The following CCR9 variants were observed in gnomAD, a reference collection of about 807,000 sequenced individuals.
The protein encoded by CCR9 is C-C chemokine receptor type 9.
Under a neutral mutation model 8.7 loss-of-function variants are expected in CCR9, and 4 were observed. The ratio of observed to expected loss-of-function variants is 0.46; its 90% CI spans 0.23 to 1.06. The LOEUF (loss-of-function observed/expected upper bound fraction) is 1.06. CCR9 is among the 50% of genes least tolerant of loss of function. The pLI is 0.21. For synonymous variants in CCR9, 159 were observed against 168.8 expected (o/e 0.94, Z 0.45); for missense variants, 394 against 453.6 (o/e 0.87, Z 1.19).
chr3:45,888,630 C>T (rs975550740), intron 1 of CCR9, among the ~76,000 whole-genome samples: 1 of 152,204 alleles, frequency 6.6e-6, no homozygotes, highest in Non-Finnish European at 1.5e-5. Flanking sequence ...ACTGCCCATC[C>T]ACTCCCGACA....
At chr3:45,891,827 A>G (rs573337644) in intron 1 of CCR9, among the ~76,000 whole-genome samples, 4 of 152,178 alleles carry the variant, frequency 2.6e-5, no homozygotes, top group African/African-American at 9.6e-5. Flanking sequence ...TTGGCCAATT[A>G]CTTTGCAGAA....
At chr3:45,890,789 A>T (rs1177209101) in intron 1 of CCR9, among the ~76,000 whole-genome samples, 1 of 152,246 alleles carries the variant, frequency 6.6e-6, no homozygotes, top group African/African-American at 2.4e-5. Flanking sequence ...AGTTAGAAGC[A>T]GGTGAATTGC....
At position 45,901,346 on chromosome 3, in the gene CCR9, C is replaced by A; in HGVS notation, c.558C>A (p.Tyr186Ter). ...AAALCIPEIL[Y>*]SQIKEESGIA... is the part of the protein sequence containing the mutation. ...CTCTCTGCATCCCAGAAATCTTATACAGCCAAATCAAGGAGGAATCCGGCA... is the reference window on the plus strand; with the variant it reads ...CTCTCTGCATCCCAGAAATCTTATAAAGCCAAATCAAGGAGGAATCCGGCA... The change falls in exon 3 of 3, where the codon TAC (tyrosine) becomes TAA (stop). Residue 186 changes from tyrosine to a stop codon, truncating the protein, a stop_gained. Coordinates refer to ENST00000357632, the MANE Select transcript of CCR9 (RefSeq NM_031200.3). LOFTEE classifies it low-confidence loss of function (END_TRUNC). The surrounding 1 kb of genome is among the most constrained non-coding windows in gnomAD (Gnocchi z 4.3). 1 of 1,614,140 alleles carries A rather than the reference C, an allele frequency of 6.2e-7. No individual in the cohort carries two copies. The highest frequency in any genetic ancestry group is 1.7e-5 in the Admixed American group (1 of 60,020).
At position 45,901,658 on chromosome 3, in the gene CCR9, C is replaced by G. The variant is rs199948255; in HGVS notation, c.870C>G (p.Ala290=). The change falls in exon 3 of 3, where the codon GCC becomes GCG. Residue 290 remains alanine (A), a synonymous_variant. Transcript: ENST00000357632. The surrounding 1 kb of genome is among the most constrained non-coding windows in gnomAD (Gnocchi z 4.3). ...ATGCCATGTTCATCTCCAACTGTGCCGTTTCCACCAACATTGACATCTGCT... is the reference window on the plus strand; with the variant it reads ...ATGCCATGTTCATCTCCAACTGTGCGGTTTCCACCAACATTGACATCTGCT... ...DAYAMFISNC[A]VSTNIDICFQ... is the part of the protein sequence containing the mutation. The G allele has an allele frequency of 6.2e-7, 1 of 1,613,882 alleles. No individual in the cohort carries two copies. Among genetic ancestry groups the G allele is most frequent in the African/African-American group, 1.3e-5 (1 of 74,934 alleles).
chr3:45,887,815 T>C (rs1365584966), intron 1 of CCR9, among the ~76,000 whole-genome samples: 2 of 152,198 alleles, frequency 1.3e-5, no homozygotes, highest in Non-Finnish European at 2.9e-5. Flanking sequence ...GATCCAGGCA[T>C]GGTGAGTGGA....
intron 2 of CCR9, among the ~76,000 whole-genome samples, chr3:45,897,078 C>T (rs1158862239): frequency 1.3e-5 from 2 of 152,204 alleles, no homozygotes; most frequent in African/African-American, 4.8e-5. Flanking sequence ...GAGCAACAGC[C>T]TGTGGGCTCA....
chr3:45,888,041 C>T (rs763387018), intron 1 of CCR9, among the ~76,000 whole-genome samples: 1 of 152,172 alleles, frequency 6.6e-6, no homozygotes, highest in Non-Finnish European at 1.5e-5. Flanking sequence ...GCACAATAAC[C>T]CCATGCTGAT....
chr3:45,898,226 A>G (rs551619179), intron 2 of CCR9, among the ~76,000 whole-genome samples: 1 of 152,106 alleles, frequency 6.6e-6, no homozygotes, highest in African/African-American at 2.4e-5. Context: ...CTTTCACTCA[A>G]AGTCCACTCA....
At chr3:45,897,531 T>G in intron 2 of CCR9, 2 of 1,469,596 alleles carry the variant, frequency 1.4e-6, no homozygotes, top group Non-Finnish European at 9.2e-7. Flanking sequence ...CTGGGATTTC[T>G]GCACAATTTC....
chr3:45,901,418 G>A lies in CCR9; in HGVS notation c.630G>A (p.Leu210=). ...ACCCTAGCGATGAGAGCACCAAACT[G>A]AAGTCAGCTGTCTTGACCCTGAAGG... is the stretch of plus-strand genomic sequence containing the variant. ...MVYPSDESTK[L]KSAVLTLKVI... is the part of the protein sequence containing the mutation. Residue 210 remains leucine (L), a synonymous_variant, in exon 3 of 3, where the codon CTG becomes CTA. Coordinates refer to ENST00000357632, the MANE Select transcript of CCR9 (RefSeq NM_031200.3). The surrounding 1 kb of genome is among the most constrained non-coding windows in gnomAD (Gnocchi z 4.3). 1 of 1,614,166 alleles carries A rather than the reference G, an allele frequency of 6.2e-7. No homozygotes were observed. Among genetic ancestry groups the A allele is most frequent in the East Asian group, 2.2e-5 (1 of 44,878 alleles).
Position 45,901,421 on chromosome 3 carries a change from G to A in CCR9, c.633G>A (p.Lys211=). Residue 211 remains lysine, a synonymous_variant, in exon 3 of 3, where the codon AAG becomes AAA. Coordinates refer to ENST00000357632, the MANE Select transcript of CCR9 (RefSeq NM_031200.3). This position sits in a 1 kb window ranked among gnomAD's most constrained non-coding sequence, Gnocchi z 4.3. ...CTAGCGATGAGAGCACCAAACTGAA[G>A]TCAGCTGTCTTGACCCTGAAGGTCA... The part of the protein sequence containing the change: ...VYPSDESTKL[K]SAVLTLKVIL... 1.6e-5 allele frequency: 26 copies of A among 1,614,172 alleles called. No homozygotes were observed. Among genetic ancestry groups the A allele is most frequent in the Non-Finnish European group, 2.2e-5 (26 of 1,180,030 alleles).
intron 1 of CCR9, among the ~76,000 whole-genome samples, chr3:45,891,952 C>T (rs1410780739): frequency 6.6e-6 from 1 of 152,126 alleles, no homozygotes; most frequent in Non-Finnish European, 1.5e-5. Flanking sequence ...ACAAATGTGA[C>T]ACTGGTTTGC....
At chr3:45,886,165 G>A (rs1363923547), upstream of CCR9, among the ~76,000 whole-genome samples, 1 of 152,168 alleles carries the variant, frequency 6.6e-6, no homozygotes, top group East Asian at 1.9e-4. Flanking sequence ...TCTGCCACTG[G>A]GTGGTAATCT....
At chr3:45,894,622 T>G (rs1457947381) in intron 1 of CCR9, among the ~76,000 whole-genome samples, 1 of 152,134 alleles carries the variant, frequency 6.6e-6, no homozygotes, top group Non-Finnish European at 1.5e-5. Flanking sequence ...GGATGGGAGA[T>G]GTACTAATTA....
intron 2 of CCR9, chr3:45,895,197 A>G (rs1445964215): frequency 3.7e-6 from 2 of 542,900 alleles, no homozygotes; most frequent in Non-Finnish European, 3.3e-6. Flanking sequence ...GGTGTTATAA[A>G]CAGCTAAGGA....
chr3:45,897,044 A>G (rs1702378107), intron 2 of CCR9, among the ~76,000 whole-genome samples: 1 of 152,162 alleles, frequency 6.6e-6, no homozygotes, highest in African/African-American at 2.4e-5. Context: ...AGGACTCCTG[A>G]GGGAAGAGGA....
Position 45,901,422 on chromosome 3 carries a change from T to C in CCR9, c.634T>C (p.Ser212Pro). The change falls in exon 3 of 3, where the codon TCA becomes CCA. Residue 212 changes from serine (S) to proline (P), a missense_variant. By Grantham distance (74) the Ser-to-Pro change is moderately conservative (BLOSUM62 -1). Transcript: ENST00000357632. The surrounding 1 kb of genome is among the most constrained non-coding windows in gnomAD (Gnocchi z 4.3). The stretch of plus-strand genomic sequence containing the variant: ...TAGCGATGAGAGCACCAAACTGAAG[T>C]CAGCTGTCTTGACCCTGAAGGTCAT... ...YPSDESTKLKSAVLTLKVILG... is the reference protein window; with the variant it reads ...YPSDESTKLKPAVLTLKVILG... 1 of 1,614,192 alleles carries C rather than the reference T, an allele frequency of 6.2e-7. No homozygotes were observed.
chr3:45,895,756 G>T (rs1575300125), intron 2 of CCR9, among the ~76,000 whole-genome samples: 1 of 151,420 alleles, frequency 6.6e-6, no homozygotes. Flanking sequence ...ATAATCCAGA[G>T]AATCTTTTTT....
At chr3:45,898,162 T>C (rs1176426463) in intron 2 of CCR9, among the ~76,000 whole-genome samples, 2 of 152,194 alleles carry the variant, frequency 1.3e-5, no homozygotes, top group African/African-American at 4.8e-5. Context: ...TGCTGTGATG[T>C]CCACTGTGGG....
Sources: allele counts gnomAD v4.1 joint callset (sites outside exome capture counted in the v4.1 genomes callset), GRCh38; gene constraint gnomAD v4.1.1; non-coding constraint Gnocchi (gnomAD v3.1); transcripts MANE v1.5; gene names NCBI Gene and HGNC (gene_info 2026-07-23, HGNC 2026-07-21).